CCDC178: variants seen among roughly 807,000 people sequenced by gnomAD.
CCDC178 encodes coiled-coil domain-containing protein 178.
Under a neutral mutation model 117.4 loss-of-function variants are expected in CCDC178, and 126 were observed. That is an observed-to-expected ratio of 1.07 (90% CI 0.93 to 1.24). The LOEUF (loss-of-function observed/expected upper bound fraction) is 1.24, where lower values mean the gene tolerates loss of function less well. Among genes scored for constraint, CCDC178 ranks in the 50% most tolerant of loss-of-function variants. The pLI, the probability that CCDC178 is intolerant of heterozygous loss-of-function variation, is 0.00. For missense variants in CCDC178, 1,030 were observed against 986.9 expected, an observed-to-expected ratio of 1.04 and a Z score of -0.59; for synonymous variants, 283 against 313.4, an observed-to-expected ratio of 0.90 and a Z score of 1.02.
intron 20 of CCDC178, among the ~76,000 whole-genome samples, chr18:33,121,048 G>C (rs1339675436): frequency 6.6e-6 from 1 of 152,070 alleles, no homozygotes; most frequent in East Asian, 1.9e-4. Context: ...TTTTTGATGT[G>C]TCAACTTTGC....
chr18:32,969,200 T>C (rs9966531), intron 22 of CCDC178, among the ~76,000 whole-genome samples: 74 of 152,102 alleles, frequency 4.9e-4, no homozygotes, highest in African/African-American at 1.8e-3. Flanking sequence ...GCTTTCTGAG[T>C]TGAGAAGACT....
intron 3 of CCDC178, among the ~76,000 whole-genome samples, chr18:33,398,590 G>A (rs2063670682): frequency 6.6e-6 from 1 of 152,072 alleles, no homozygotes; most frequent in Non-Finnish European, 1.5e-5. Context: ...TATAGCCTCT[G>A]TATTTTCGGC....
chr18:33,303,824 G>A (rs2062212606), intron 11 of CCDC178, among the ~76,000 whole-genome samples: 1 of 152,130 alleles, frequency 6.6e-6, no homozygotes, highest in African/African-American at 2.4e-5. Context: ...TGTGAGAAAG[G>A]AAATTGGGAG....
intron 18 of CCDC178, among the ~76,000 whole-genome samples, chr18:33,222,176 G>A (rs532533670): frequency 3.3e-5 from 5 of 151,986 alleles, no homozygotes; most frequent in Admixed American, 6.6e-5. Flanking sequence ...GTGTAATCAT[G>A]CTATTTTTTA....
intron 11 of CCDC178, among the ~76,000 whole-genome samples, chr18:33,306,392 A>G (rs909939846): frequency 1.4e-5 from 2 of 146,728 alleles, no homozygotes; most frequent in African/African-American, 5.0e-5. Context: ...CAAAAGTCCA[A>G]GGTAACAGCT....
At chr18:33,000,541 A>G (rs1285711000) in intron 21 of CCDC178, among the ~76,000 whole-genome samples, 1 of 152,210 alleles carries the variant, frequency 6.6e-6, no homozygotes, top group African/African-American at 2.4e-5. Flanking sequence ...AAGACATTTA[A>G]TAATCAAACT....
chr18:33,043,856 C>CAA (rs1309896509), intron 21 of CCDC178, among the ~76,000 whole-genome samples: 2 of 151,816 alleles, frequency 1.3e-5, no homozygotes, highest in Non-Finnish European at 2.9e-5. Context: ...TATCCTCTCT[C>CAA]AAAATTTCTC....
intron 2 of CCDC178, among the ~76,000 whole-genome samples, chr18:33,436,373 T>C (rs149722105): frequency 4.6e-5 from 7 of 152,294 alleles, no homozygotes; most frequent in East Asian, 3.9e-4. Flanking sequence ...AAGACATGCA[T>C]AGACCACTCT....
intron 21 of CCDC178, among the ~76,000 whole-genome samples, chr18:33,004,746 A>G (rs1198939897): frequency 1.3e-5 from 2 of 152,148 alleles, no homozygotes; most frequent in African/African-American, 4.8e-5. Context: ...AGAATATATA[A>G]GGAACTCAAA....
At chr18:33,164,340 C>T (rs550810025) in intron 20 of CCDC178, among the ~76,000 whole-genome samples, 1 of 151,934 alleles carries the variant, frequency 6.6e-6, no homozygotes, top group East Asian at 1.9e-4. Context: ...CTCAGGTGAT[C>T]CGACCTCAGG....
chr18:33,247,785 T>G (rs2059568696), intron 14 of CCDC178, among the ~76,000 whole-genome samples: 1 of 151,898 alleles, frequency 6.6e-6, no homozygotes, highest in Admixed American at 6.6e-5. Flanking sequence ...TTTATACATG[T>G]ATTTGTTTTG....
At chr18:33,182,317 T>C (rs1218733770) in intron 20 of CCDC178, among the ~76,000 whole-genome samples, 5 of 151,936 alleles carry the variant, frequency 3.3e-5, no homozygotes, top group African/African-American at 4.8e-5. Flanking sequence ...AATAAGTATT[T>C]AGTGGCAGAT....
intron 21 of CCDC178, among the ~76,000 whole-genome samples, chr18:33,017,120 A>G (rs1300296802): frequency 1.3e-5 from 2 of 151,964 alleles, no homozygotes; most frequent in Non-Finnish European, 2.9e-5. Context: ...AGGCTGGAAA[A>G]GAAATAAAAG....
chr18:33,423,599 C>G (rs962166078), intron 2 of CCDC178, among the ~76,000 whole-genome samples: 1 of 152,060 alleles, frequency 6.6e-6, no homozygotes, highest in Admixed American at 6.5e-5. Flanking sequence ...TAGAGTATCT[C>G]TAGGGCAGGC....
At chr18:33,383,203 G>A (rs2063457540) in intron 5 of CCDC178, among the ~76,000 whole-genome samples, 1 of 152,150 alleles carries the variant, frequency 6.6e-6, no homozygotes, top group African/African-American at 2.4e-5. Context: ...ACCAGTCAGG[G>A]GCTTACAGAC....
intron 20 of CCDC178, among the ~76,000 whole-genome samples, chr18:33,179,659 A>G (rs958891374): frequency 6.6e-6 from 1 of 152,090 alleles, no homozygotes; most frequent in African/African-American, 2.4e-5. Context: ...ACACAGAGGT[A>G]TAGAGCAATG....
intron 20 of CCDC178, among the ~76,000 whole-genome samples, chr18:33,128,209 G>T (rs2058030953): frequency 2.0e-5 from 3 of 152,136 alleles, no homozygotes; most frequent in East Asian, 1.9e-4. Flanking sequence ...TCTCTACACT[G>T]ACATTGTCAA....
At chr18:32,988,004 G>A (rs1322710857) in intron 21 of CCDC178, among the ~76,000 whole-genome samples, 1 of 151,622 alleles carries the variant, frequency 6.6e-6, no homozygotes, top group African/African-American at 2.4e-5. Context: ...TTGAACCTGG[G>A]AGGCAGAGGT....
intron 15 of CCDC178, among the ~76,000 whole-genome samples, chr18:33,240,797 C>T (rs1266734472): frequency 6.6e-6 from 1 of 151,850 alleles, no homozygotes; most frequent in East Asian, 1.9e-4. Flanking sequence ...GAAACAATTT[C>T]TTCTGAAACT....
Sources: allele counts gnomAD v4.1 joint callset (sites outside exome capture counted in the v4.1 genomes callset), GRCh38; gene constraint gnomAD v4.1.1; transcripts MANE v1.5; gene names NCBI Gene and HGNC (gene_info 2026-07-23, HGNC 2026-07-21).